Variants in PRKN observed in about 807,000 individuals in gnomAD.
The protein encoded by PRKN is E3 ubiquitin-protein ligase parkin.
Under a neutral mutation model 59.5 loss-of-function variants are expected in PRKN, and 56 were observed. The ratio of observed to expected loss-of-function variants is 0.94; its 90% CI spans 0.76 to 1.18. The LOEUF (loss-of-function observed/expected upper bound fraction) is 1.18. Ranked by LOEUF, PRKN falls within the 50% of genes most tolerant of loss-of-function variation. The pLI is 0.00. For synonymous variants in PRKN, 250 were observed against 222.1 expected (o/e 1.13, Z -1.12); for missense variants, 657 against 596.4 (o/e 1.10, Z -1.06).
intron 1 of PRKN, among the ~76,000 whole-genome samples, chr6:162,666,240 G>A (rs540143147): frequency 9.2e-5 from 14 of 152,132 alleles, no homozygotes; most frequent in Admixed American, 2.0e-4. Context: ...GTTAGAATGC[G>A]GCATGCTTTA....
chr6:161,541,833 A>C lies in PRKN; in HGVS notation c.1083+7021T>G, dbSNP rs190021774. On this transcript the variant is annotated intron_variant, in intron 9 of 11. Coordinates refer to ENST00000366898, the MANE Select transcript of PRKN (RefSeq NM_004562.3). The stretch of plus-strand genomic sequence containing the variant: ...GAGACTCCGTCTCAAAAAGAAAAAA[A>C]AAAAACAGTATAATTATTTCATATT... Among the ~76,000 whole-genome samples the C allele has an allele frequency of 4.6e-3, 703 of 152,348 alleles. 3 individuals are homozygous for C. The highest frequency in any genetic ancestry group is 6.5e-3 in the Admixed American group (99 of 15,302).
chr6:162,285,255 A>G (rs1385883877), intron 2 of PRKN, among the ~76,000 whole-genome samples: 2 of 142,244 alleles, frequency 1.4e-5, no homozygotes, highest in African/African-American at 2.6e-5. Flanking sequence ...ATCTTCACAG[A>G]TATTTTGGAG....
At chr6:162,128,812 A>T (rs1781227235) in intron 4 of PRKN, among the ~76,000 whole-genome samples, 1 of 152,160 alleles carries the variant, frequency 6.6e-6, no homozygotes, top group Non-Finnish European at 1.5e-5. Context: ...CTTCCACCAT[A>T]AGAGGTTGCA....
intron 6 of PRKN, among the ~76,000 whole-genome samples, chr6:161,853,976 T>G (rs1218299107): frequency 6.6e-6 from 1 of 151,404 alleles, no homozygotes. Flanking sequence ...CCCGGTATGG[T>G]GGCTCATGCC....
At chr6:162,238,870 A>C (rs1210487420) in intron 3 of PRKN, among the ~76,000 whole-genome samples, 1 of 152,140 alleles carries the variant, frequency 6.6e-6, no homozygotes, top group Non-Finnish European at 1.5e-5. Context: ...GATGATGCCG[A>C]GGCACGGGCC....
intron 1 of PRKN, among the ~76,000 whole-genome samples, chr6:162,595,467 G>A (rs189627658): frequency 1.3e-5 from 2 of 152,038 alleles, no homozygotes; most frequent in East Asian, 2.0e-4. Flanking sequence ...TGTTGGCCAA[G>A]CTGGTCTTGA....
In PRKN at chr6:161,456,261, G is replaced by A. The variant is rs1344443227; in HGVS notation, c.1084-69384C>T. On this transcript the variant is annotated intron_variant, in intron 9 of 11. Coordinates refer to ENST00000366898, the MANE Select transcript of PRKN (RefSeq NM_004562.3). The surrounding 1 kb of genome is among the most constrained non-coding windows in gnomAD (Gnocchi z 4.8). Reference sequence around the variant, plus strand: ...GCCAGTGCAGCTAAGATAAAAGCAGGCAGAAGGGTGTGGAAGGCCTAGACT... The same window carrying A: ...GCCAGTGCAGCTAAGATAAAAGCAGACAGAAGGGTGTGGAAGGCCTAGACT... Among the ~76,000 whole-genome samples, 2 of 152,202 alleles carry A rather than the reference G, an allele frequency of 1.3e-5. No individual in the cohort carries two copies. The highest frequency in any genetic ancestry group is 2.9e-5 in the Non-Finnish European group (2 of 68,030).
chr6:161,622,391 C>T lies in PRKN; in HGVS notation c.872-52975G>A, dbSNP rs967608705. On this transcript the variant is annotated intron_variant, in intron 7 of 11. Transcript: ENST00000366898. Reference sequence around the variant, plus strand: ...CAGCACCAGGCCTGCCCCTTTCCAGCGACCTCCCTGCCCCTCCCCAGGCCC... The same window carrying T: ...CAGCACCAGGCCTGCCCCTTTCCAGTGACCTCCCTGCCCCTCCCCAGGCCC... Among the ~76,000 whole-genome samples the T allele has an allele frequency of 2.0e-5, 3 of 152,154 alleles. No individual in the cohort carries two copies. In the East Asian group the frequency reaches 5.8e-4, roughly 29 times the overall value.
intron 2 of PRKN, among the ~76,000 whole-genome samples, chr6:162,340,006 G>C (rs1411829735): frequency 2.0e-5 from 3 of 146,960 alleles, no homozygotes; most frequent in African/African-American, 7.6e-5. Flanking sequence ...ACTGCGGAAG[G>C]CCGCAGGGTC....
chr6:161,960,042 G>A (rs747006540), intron 6 of PRKN, among the ~76,000 whole-genome samples: 2 of 152,150 alleles, frequency 1.3e-5, no homozygotes, highest in Non-Finnish European at 1.5e-5. Flanking sequence ...TGGGGTATAT[G>A]ATCCTAAACT....
intron 5 of PRKN, among the ~76,000 whole-genome samples, chr6:162,024,477 G>C (rs1466015802): frequency 6.6e-6 from 1 of 152,158 alleles, no homozygotes; most frequent in African/African-American, 2.4e-5. Flanking sequence ...GATTATAGGC[G>C]TGAGCCACAG....
chr6:162,296,502 C>T (rs9365398), intron 2 of PRKN, among the ~76,000 whole-genome samples: 10,804 of 152,062 alleles, frequency 0.071, 1,000 homozygotes, highest in East Asian at 0.47. Context: ...TGCCTGACTT[C>T]CCACTCTGGA....
chr6:161,640,884 A>G (rs1783714062), intron 7 of PRKN, among the ~76,000 whole-genome samples: 1 of 152,268 alleles, frequency 6.6e-6, no homozygotes, highest in African/African-American at 2.4e-5. Flanking sequence ...TGTGCTGAAT[A>G]AATTAACTTT....
chr6:161,874,642 T>G (rs1245057959), intron 6 of PRKN, among the ~76,000 whole-genome samples: 1 of 108,134 alleles, frequency 9.2e-6, no homozygotes, highest in African/African-American at 3.8e-5. Context: ...AAATATATAT[T>G]ACATATAAAA....
At chr6:161,713,013 G>T (rs996635178) in intron 7 of PRKN, among the ~76,000 whole-genome samples, 8 of 152,122 alleles carry the variant, frequency 5.3e-5, no homozygotes, top group African/African-American at 1.9e-4. Flanking sequence ...CAAGACTAGA[G>T]ACCTCAATCA....
intron 6 of PRKN, among the ~76,000 whole-genome samples, chr6:161,877,552 T>C: frequency 6.6e-6 from 1 of 151,378 alleles, no homozygotes; most frequent in East Asian, 1.9e-4. Context: ...CTCAGCCTCC[T>C]GGGTTCACGC....
chr6:162,603,203 A>G (rs1182933151), intron 1 of PRKN, among the ~76,000 whole-genome samples: 1 of 152,192 alleles, frequency 6.6e-6, no homozygotes, highest in Non-Finnish European at 1.5e-5. Flanking sequence ...GGTTGCAGAG[A>G]TACCTCTAAA....
At chr6:162,188,818 G>A (rs1314654206) in intron 4 of PRKN, among the ~76,000 whole-genome samples, 4 of 151,100 alleles carry the variant, frequency 2.6e-5, no homozygotes, top group East Asian at 3.9e-4. Flanking sequence ...TAGAAGAATG[G>A]GTGGAAACAT....
At chr6:161,585,476 G>A (rs544071801) in intron 7 of PRKN, among the ~76,000 whole-genome samples, 1 of 152,168 alleles carries the variant, frequency 6.6e-6, no homozygotes, top group African/African-American at 2.4e-5. Flanking sequence ...ATACCAAAGA[G>A]AAATTAAAAC....
Sources: allele counts gnomAD v4.1 joint callset (sites outside exome capture counted in the v4.1 genomes callset), GRCh38; gene constraint gnomAD v4.1.1; non-coding constraint Gnocchi (gnomAD v3.1); transcripts MANE v1.5; gene names NCBI Gene and HGNC (gene_info 2026-07-23, HGNC 2026-07-21).